Variants in GRIK1 observed in about 807,000 individuals in gnomAD.
GRIK1 encodes glutamate receptor ionotropic, kainate 1.
GRIK1 carries 69 observed loss-of-function variants against 105.7 expected under a neutral mutation model. That is an observed-to-expected ratio of 0.65 (90% confidence interval 0.54 to 0.80). The LOEUF (loss-of-function observed/expected upper bound fraction) is 0.80, where lower values mean the gene tolerates loss of function less well. GRIK1 is among the 30% of genes least tolerant of loss of function. GRIK1 has a pLI of 0.00. For missense variants in GRIK1, 1,109 were observed against 1,167.3 expected, an observed-to-expected ratio of 0.95 and a Z score of 0.73; for synonymous variants, 438 against 431.3, an observed-to-expected ratio of 1.02 and a Z score of -0.19.
At chr21:29,695,468 C>CTATATATA (rs1555874130) in intron 1 of GRIK1, among the ~76,000 whole-genome samples, 1 of 144,640 alleles carries the variant, frequency 6.9e-6, no homozygotes, top group Non-Finnish European at 1.5e-5. Flanking sequence ...ATCTATCTAT[C>CTATATATA]TATCTATCTA....
At chr21:29,746,090 C>T (rs970037491) in intron 1 of GRIK1, among the ~76,000 whole-genome samples, 5 of 151,634 alleles carry the variant, frequency 3.3e-5, no homozygotes, top group African/African-American at 4.9e-5. Flanking sequence ...GGTGACAGAG[C>T]GGGACTCCGT....
At position 29,720,451 on chromosome 21, in the gene GRIK1, G is replaced by A. The variant is rs13050277; in HGVS notation, c.119-26388C>T. On this transcript the variant is annotated intron_variant, in intron 1 of 17. Transcript: ENST00000327783. ...ACCAGGCACTAGATTTAGCTTGTTC[G>A]TTTGAAGTTAAGTGATAGAGCAACC... Among the ~76,000 whole-genome samples, 686 of 152,194 alleles carry A rather than the reference G, an allele frequency of 4.5e-3. 5 individuals are homozygous for A. The highest frequency in any genetic ancestry group is 8.5e-3 in the South Asian group (41 of 4,814).
chr21:29,763,409 A>G (rs2065578611), intron 1 of GRIK1, among the ~76,000 whole-genome samples: 1 of 152,162 alleles, frequency 6.6e-6, no homozygotes, highest in African/African-American at 2.4e-5. Flanking sequence ...ATGAAAATGG[A>G]CTAATACAGG....
intron 1 of GRIK1, among the ~76,000 whole-genome samples, chr21:29,875,001 G>T (rs1208790156): frequency 1.5e-4 from 22 of 143,078 alleles, no homozygotes; most frequent in South Asian, 4.4e-4. Flanking sequence ...TAGTTTCAGG[G>T]TTTTTTTTTT....
chr21:29,832,775 G>A (rs1339985143), intron 1 of GRIK1, among the ~76,000 whole-genome samples: 1 of 152,154 alleles, frequency 6.6e-6, no homozygotes, highest in Non-Finnish European at 1.5e-5. Flanking sequence ...TTTTCCCATT[G>A]TCTTGGCCAT....
intron 1 of GRIK1, among the ~76,000 whole-genome samples, chr21:29,924,222 C>T (rs1241055647): frequency 1.3e-5 from 2 of 151,320 alleles, no homozygotes; most frequent in Non-Finnish European, 2.9e-5. Context: ...CCTGTAATCC[C>T]AGCTACTCAG....
chr21:29,544,862 A>G (rs931200368), intron 16 of GRIK1, among the ~76,000 whole-genome samples: 3 of 152,212 alleles, frequency 2.0e-5, no homozygotes, highest in African/African-American at 7.2e-5. Flanking sequence ...AATCTTGACC[A>G]AAGCCTAGAT....
intron 7 of GRIK1, among the ~76,000 whole-genome samples, chr21:29,601,691 C>T (rs1245604449): frequency 6.6e-6 from 1 of 152,166 alleles, no homozygotes; most frequent in Non-Finnish European, 1.5e-5. Context: ...AGGCACAGGC[C>T]TCCCAGCTTA....
intron 1 of GRIK1, among the ~76,000 whole-genome samples, chr21:29,827,999 CTCTGTCTCTCTCTGTGTG>C (rs1569137090): frequency 2.1e-5 from 2 of 97,014 alleles, no homozygotes; most frequent in Non-Finnish European, 4.7e-5. Context: ...CTCTCTCTCT[CTCTGTCTCTCTCTGTGTG>C]TGTGTGTGTG....
At chr21:29,770,489 T>C (rs1467637842) in intron 1 of GRIK1, among the ~76,000 whole-genome samples, 1 of 152,192 alleles carries the variant, frequency 6.6e-6, no homozygotes, top group East Asian at 1.9e-4. Flanking sequence ...ATATAAAACA[T>C]GCACATGTAG....
At chr21:29,845,654 C>T (rs535624545) in intron 1 of GRIK1, among the ~76,000 whole-genome samples, 11 of 152,216 alleles carry the variant, frequency 7.2e-5, no homozygotes, top group African/African-American at 2.6e-4. Context: ...ATTTGTCTAA[C>T]GTAATTTTTG....
chr21:29,742,825 C>T (rs1317217086), intron 1 of GRIK1, among the ~76,000 whole-genome samples: 1 of 152,190 alleles, frequency 6.6e-6, no homozygotes, highest in East Asian at 1.9e-4. Flanking sequence ...CCAGTTTCCT[C>T]CACACCATTT....
At chr21:29,876,857 T>A (rs565723607) in intron 1 of GRIK1, among the ~76,000 whole-genome samples, 21 of 152,318 alleles carry the variant, frequency 1.4e-4, no homozygotes, top group African/African-American at 4.6e-4. Flanking sequence ...TCATCAGCTA[T>A]GCTTCCTAGA....
Position 29,577,003 on chromosome 21 carries a change from A to G in GRIK1, c.2091T>C (p.Tyr697=), listed in dbSNP as rs773621658. The change falls in exon 14 of 18, where the codon TAT becomes TAC. Residue 697 remains tyrosine (Y), a synonymous_variant. Transcript: ENST00000327783. The part of the protein sequence containing the change: ...DDLAKQTKIE[Y]GAVRDGSTMT... ...TTGTTGATCCATCTCTAACCGCCCC[A>G]TATTCTATCTTGGTTTGCTTTGCCA... 1 of 1,613,178 alleles carries G rather than the reference A, an allele frequency of 6.2e-7. No homozygotes were observed. The highest frequency in any genetic ancestry group is 1.1e-5 in the South Asian group (1 of 91,054).
chr21:29,576,560 G>C (rs2090899134), intron 14 of GRIK1, among the ~76,000 whole-genome samples: 1 of 152,118 alleles, frequency 6.6e-6, no homozygotes, highest in Non-Finnish European at 1.5e-5. Context: ...ACAAAATAAT[G>C]ATATTCAAGT....
At chr21:29,553,532 C>CTTTT in intron 16 of GRIK1, 3 of 1,320,514 alleles carry the variant, frequency 2.3e-6, no homozygotes, top group African/African-American at 1.5e-5. Flanking sequence ...CTGGGCACAT[C>CTTTT]TTTTTTTTTT....
chr21:29,911,301 T>C (rs1323133495), intron 1 of GRIK1, among the ~76,000 whole-genome samples: 2 of 152,088 alleles, frequency 1.3e-5, no homozygotes, highest in Non-Finnish European at 2.9e-5. Context: ...AAAATGTTTA[T>C]TACATCTACA....
chr21:29,750,515 C>T (rs1203481875), intron 1 of GRIK1, among the ~76,000 whole-genome samples: 3 of 152,124 alleles, frequency 2.0e-5, no homozygotes, highest in African/African-American at 7.2e-5. Flanking sequence ...CATTTGGGGA[C>T]CTAGCAGGGG....
At chr21:29,566,819 G>A (rs1472586925) in intron 14 of GRIK1, among the ~76,000 whole-genome samples, 1 of 152,126 alleles carries the variant, frequency 6.6e-6, no homozygotes, top group African/African-American at 2.4e-5. Context: ...ATGAAGAAAT[G>A]AGGAAACCAG....
Sources: gnomAD v4.1 joint callset for allele counts (sites outside exome capture counted in the v4.1 genomes callset) on GRCh38, gnomAD v4.1.1 for gene constraint, MANE v1.5 for transcripts, NCBI Gene and HGNC (gene_info 2026-07-23, HGNC 2026-07-21) for gene names.